Variants in DAW1 observed in about 807,000 individuals in gnomAD.
DAW1 encodes dynein assembly factor with WD repeats 1.
A neutral mutation model predicts 56.5 loss-of-function variants in DAW1; 47 were observed. The ratio of observed to expected loss-of-function variants is 0.83; its 90% CI spans 0.66 to 1.06. DAW1 has a LOEUF of 1.06. Ranked by LOEUF, DAW1 falls within the 50% of genes least tolerant of loss-of-function variation. DAW1 has a pLI of 0.00. For missense variants in DAW1, 505 were observed against 499.3 expected, an observed-to-expected ratio of 1.01 and a Z score of -0.11; for synonymous variants, 190 against 179.0, an observed-to-expected ratio of 1.06 and a Z score of -0.49.
intron 1 of DAW1, among the ~76,000 whole-genome samples, chr2:227,884,076 G>A (rs779886079): frequency 6.6e-6 from 1 of 152,040 alleles, no homozygotes; most frequent in Non-Finnish European, 1.5e-5. Context: ...CTGTTCGGAT[G>A]GAATATATTC....
In DAW1 at chr2:227,888,408, C is replaced by A. The variant is rs141718238; in HGVS notation, c.114-1448C>A. Among the ~76,000 whole-genome samples the A allele has an allele frequency of 1.8e-4, 27 of 152,312 alleles. No individual in the cohort carries two copies. The East Asian group carries it at 5.0e-3, about 28-fold the overall frequency. On this transcript the variant is annotated intron_variant, in intron 2 of 12. Transcript: ENST00000309931. ...GGCATGAAGCAGAAGCAGGATCAGG[C>A]GGGAGGAGCCATCTGACCTCGATGA...
In DAW1 at chr2:227,921,446, C is replaced by A. The variant is rs368750345; in HGVS notation, c.1098C>A (p.Asp366Glu). ...QGNHLLTGSS[D>E]KTARIWDAQT... is the part of the protein sequence containing the mutation. ...ACCATCTTCTAACTGGCAGCTCTGA[C>A]AAAACGGCTAGAATCTGGGATGCTC... Residue 366 changes from aspartate to glutamate, a missense_variant, in exon 12 of 13, where the codon GAC becomes GAA. Asp to Glu is a conservative substitution (Grantham distance 45). Transcript: ENST00000309931. 6.2e-7 allele frequency: 1 copy of A among 1,604,536 alleles called. No individual in the cohort carries two copies. Among genetic ancestry groups the A allele is most frequent in the South Asian group, 1.1e-5 (1 of 90,838 alleles).
At position 227,903,094 on chromosome 2, in the gene DAW1, A is replaced by G. The variant is rs753471153; in HGVS notation, c.633A>G (p.Glu211=). Residue 211 remains glutamate, a synonymous_variant, in exon 7 of 13, where the codon GAA becomes GAG. Transcript: ENST00000309931. ...TGTGGGACATTCAGAATGGCGAGGA[A>G]GTTTACACCTTAAGAGTATGTCAAT... ...AKLWDIQNGE[E]VYTLRGHSAE... is the part of the protein sequence containing the mutation. The G allele has an allele frequency of 6.8e-6, 11 of 1,614,104 alleles. No individual in the cohort carries two copies. The highest frequency in any genetic ancestry group is 3.3e-4 in the Middle Eastern group (2 of 6,062).
intron 2 of DAW1, 51 bp from the exon 3 acceptor site, chr2:227,889,805 A>G (rs757113400): frequency 2.0e-6 from 3 of 1,480,442 alleles, no homozygotes; most frequent in Non-Finnish European, 2.7e-6. Flanking sequence ...ATATAGGTAT[A>G]TGCAAATTTT....
intron 10 of DAW1, among the ~76,000 whole-genome samples, chr2:227,918,217 A>G (rs1169827810): frequency 6.7e-6 from 1 of 148,194 alleles, no homozygotes; most frequent in East Asian, 2.0e-4. Context: ...CCATCCATCC[A>G]TCCATACTAC....
intron 12 of DAW1, 81 bp downstream of exon 12, chr2:227,921,642 C>A: frequency 1.4e-6 from 2 of 1,422,496 alleles, no homozygotes; most frequent in Non-Finnish European, 1.9e-6. Context: ...AACAGGAGTT[C>A]ATCCCCATTC....
intron 2 of DAW1, chr2:227,889,548 C>T (rs776280005): frequency 3.1e-5 from 6 of 192,334 alleles, no homozygotes; most frequent in Non-Finnish European, 5.3e-5. Context: ...TTAGAGCGGA[C>T]GCAAACATTC....
intron 1 of DAW1, among the ~76,000 whole-genome samples, chr2:227,883,224 A>G (rs1691050454): frequency 6.6e-6 from 1 of 152,248 alleles, no homozygotes; most frequent in South Asian, 2.1e-4. Flanking sequence ...GCTTTCAAGC[A>G]AAAAGTATAA....
intron 10 of DAW1, among the ~76,000 whole-genome samples, 195 bp downstream of exon 10, chr2:227,907,447 C>A (rs1055671555): frequency 5.3e-5 from 8 of 152,150 alleles, no homozygotes; most frequent in African/African-American, 1.7e-4. Context: ...TAATGTTATG[C>A]AATGTCTGTG....
At chr2:227,890,061 A>C (rs1691226610) in intron 3 of DAW1, 61 bp downstream of exon 3, 2 of 1,426,198 alleles carry the variant, frequency 1.4e-6, no homozygotes, top group East Asian at 5.3e-5. Flanking sequence ...TATTTTATTA[A>C]TTTTTCTTTC....
At chr2:227,902,541 G>C (rs560449487) in intron 6 of DAW1, among the ~76,000 whole-genome samples, 107 of 152,268 alleles carry the variant, frequency 7.0e-4, no homozygotes, top group Admixed American at 1.4e-3. Flanking sequence ...CTACTGAACA[G>C]TTGTCCGGGG....
intron 6 of DAW1, among the ~76,000 whole-genome samples, chr2:227,900,811 G>A (rs1454840909): frequency 1.3e-5 from 2 of 152,206 alleles, no homozygotes; most frequent in Non-Finnish European, 2.9e-5. Context: ...GAGGTGATGG[G>A]CAAGGATTCC....
In DAW1 at chr2:227,922,077, A is replaced by G. The variant is rs1470791989; in HGVS notation, c.1213+516A>G. The stretch of plus-strand genomic sequence containing the variant: ...CTGAGGCTGGAGGAGCACTTGAGCC[A>G]AGGAGTTGGAGGCTTCAGTGAGCTA... On this transcript the variant is annotated intron_variant, in intron 12 of 12. Coordinates refer to ENST00000309931, the MANE Select transcript of DAW1 (RefSeq NM_178821.3). 2.0e-5 allele frequency among the ~76,000 whole-genome samples: 3 copies of G among 152,200 alleles called. No homozygotes were observed. The South Asian group carries it at 6.2e-4, about 31-fold the overall frequency.
chr2:227,876,298 G>C (rs192204518), intron 1 of DAW1: 2 of 560,776 alleles, frequency 3.6e-6, no homozygotes, highest in African/African-American at 4.0e-5. Flanking sequence ...GGGATGACAG[G>C]CGTGAGCCAC....
intron 1 of DAW1, chr2:227,872,297 A>AAAAAAAAAAAAAAAAAAG (rs1553600898): frequency 1.5e-5 from 2 of 131,466 alleles, no homozygotes; most frequent in Admixed American, 8.2e-5. Flanking sequence ...AAAAAAGAAA[A>AAAAAAAAAAAAAAAAAAG]AAAAGAAAAA....
intron 7 of DAW1, among the ~76,000 whole-genome samples, 158 bp from the exon 8 acceptor site, chr2:227,904,771 C>A (rs973158768): frequency 1.2e-4 from 18 of 152,138 alleles, no homozygotes; most frequent in African/African-American, 4.1e-4. Flanking sequence ...AACCCTGTGC[C>A]CACGTGCAGA....
In DAW1 at chr2:227,891,863, T is replaced by C. The variant is rs142903467; in HGVS notation, c.317+550T>C. Among the ~76,000 whole-genome samples the C allele has an allele frequency of 2.0e-5, 3 of 152,302 alleles. No individual in the cohort carries two copies. The East Asian group carries it at 5.8e-4, about 29-fold the overall frequency. On this transcript the variant is annotated intron_variant, in intron 4 of 12. Transcript: ENST00000309931. ...CTGAGTGGCTTACACAACCAAAATG[T>C]ATTGTGTCACAGTTGGGGAGGTTAG...
intron 1 of DAW1, among the ~76,000 whole-genome samples, chr2:227,877,318 A>C (rs1208575943): frequency 6.6e-6 from 1 of 152,084 alleles, no homozygotes; most frequent in Non-Finnish European, 1.5e-5. Context: ...ACACCCAACT[A>C]ATTTTAGTAT....
At chr2:227,913,141 C>T (rs148638351) in intron 10 of DAW1, among the ~76,000 whole-genome samples, 192 of 152,254 alleles carry the variant, frequency 1.3e-3, no homozygotes, top group Middle Eastern at 3.4e-3. Context: ...TTTTAGGATT[C>T]ATCTTTCAGA....
Sources: allele counts gnomAD v4.1 joint callset (sites outside exome capture counted in the v4.1 genomes callset), GRCh38; gene constraint gnomAD v4.1.1; transcripts MANE v1.5; gene names NCBI Gene and HGNC (gene_info 2026-07-23, HGNC 2026-07-21).